The following METTL24 variants were observed in gnomAD, a reference collection of about 807,000 sequenced individuals.
METTL24 encodes the protein methyltransferase like 24.
In METTL24, 29 loss-of-function variants were observed where a neutral mutation model predicts 32.7. The ratio of observed to expected loss-of-function variants is 0.89; its 90% CI spans 0.66 to 1.21. The LOEUF is 1.21. Ranked by LOEUF, METTL24 falls within the 50% of genes most tolerant of loss-of-function variation. The pLI, the probability that METTL24 is intolerant of heterozygous loss-of-function variation, is 0.00. For missense variants in METTL24, 439 were observed against 468.1 expected, an observed-to-expected ratio of 0.94 and a Z score of 0.57; for synonymous variants, 163 against 179.5, an observed-to-expected ratio of 0.91 and a Z score of 0.73.
chr6:110,302,600 T>C (rs527315106), intron 3 of METTL24, among the ~76,000 whole-genome samples: 2 of 117,820 alleles, frequency 1.7e-5, no homozygotes, highest in Non-Finnish European at 3.3e-5. Flanking sequence ...TATACACATA[T>C]ACACACACAT....
At chr6:110,279,358 G>A (rs967140215) in intron 4 of METTL24, among the ~76,000 whole-genome samples, 4 of 152,230 alleles carry the variant, frequency 2.6e-5, no homozygotes, top group Admixed American at 2.0e-4. Flanking sequence ...AGCTAACTTC[G>A]ATAAAAGACA....
chr6:110,276,265 C>T (rs1771046005), intron 4 of METTL24, among the ~76,000 whole-genome samples: 3 of 152,064 alleles, frequency 2.0e-5, no homozygotes, highest in African/African-American at 7.2e-5. Flanking sequence ...AGACCCTCAT[C>T]TCTACCAAAA....
chr6:110,327,168 G>T (rs1772030950), intron 1 of METTL24, among the ~76,000 whole-genome samples: 3 of 152,186 alleles, frequency 2.0e-5, no homozygotes, highest in African/African-American at 7.2e-5. Context: ...ATAAATGACT[G>T]AAAATACAAA....
intron 4 of METTL24, among the ~76,000 whole-genome samples, chr6:110,252,495 C>A (rs1374816113): frequency 6.6e-6 from 1 of 152,204 alleles, no homozygotes; most frequent in Non-Finnish European, 1.5e-5. Flanking sequence ...TAAATACAGT[C>A]ACACTGGGAG....
intron 2 of METTL24, among the ~76,000 whole-genome samples, chr6:110,321,513 G>C (rs868414569): frequency 2.6e-4 from 39 of 152,152 alleles, no homozygotes; most frequent in South Asian, 8.3e-4. Flanking sequence ...AGCCTTTAAG[G>C]GCTTTTGAAA....
chr6:110,274,930 C>T (rs1281774331), intron 4 of METTL24, among the ~76,000 whole-genome samples: 1 of 150,912 alleles, frequency 6.6e-6, no homozygotes, highest in Non-Finnish European at 1.5e-5. Flanking sequence ...TCCCGAGGAT[C>T]TAAGACTACA....
chr6:110,254,931 G>C (rs115196682), intron 4 of METTL24, among the ~76,000 whole-genome samples: 4,231 of 152,210 alleles, frequency 0.028, 226 homozygotes, highest in African/African-American at 0.095. Flanking sequence ...TAGAAAAATA[G>C]AATAAATTAA....
intron 2 of METTL24, 119 bp from the exon 3 acceptor site, chr6:110,315,600 T>A (rs1771805519): frequency 5.9e-6 from 6 of 1,011,886 alleles, no homozygotes; most frequent in Non-Finnish European, 8.7e-6. Context: ...TCTCCTCCAC[T>A]GCTAACAACT....
chr6:110,245,570 A>G lies in METTL24; in HGVS notation c.*376T>C, dbSNP rs984646852. ...AATTTAAAACCCTATTTTAAACAGT[A>G]GGGGAAGAACTTAAAAATCTCACCA... On this transcript the variant is annotated 3_prime_UTR_variant, in exon 5 of 5. Transcript: ENST00000338882. Among the ~76,000 whole-genome samples the G allele has an allele frequency of 2.0e-5, 3 of 152,236 alleles. No homozygotes were observed. Among genetic ancestry groups the G allele is most frequent in the Non-Finnish European group, 4.4e-5 (3 of 68,042 alleles).
rs189803848 is a variant in METTL24, at chr6:110,356,061, A to T, written c.318+1894T>A. 8.6e-4 allele frequency among the ~76,000 whole-genome samples: 131 copies of T among 152,230 alleles called. 1 individual carries two copies. The highest frequency in any genetic ancestry group is 5.4e-4 in the Non-Finnish European group (37 of 68,026). On this transcript the variant is annotated intron_variant, in intron 1 of 4. Coordinates refer to ENST00000338882, the MANE Select transcript of METTL24 (RefSeq NM_001123364.3). The stretch of plus-strand genomic sequence containing the variant: ...ACAACAGATGCTGAGTGAATCTAAA[A>T]GGAAAACTGCAGGGAGGGGTTGAGG...
intron 4 of METTL24, among the ~76,000 whole-genome samples, chr6:110,257,929 C>A (rs1778414896): frequency 6.6e-6 from 1 of 152,140 alleles, no homozygotes; most frequent in South Asian, 2.1e-4. Flanking sequence ...GAACTGTGTG[C>A]AAAAATGTAT....
At chr6:110,258,492 G>T (rs1205503246) in intron 4 of METTL24, among the ~76,000 whole-genome samples, 1 of 152,076 alleles carries the variant, frequency 6.6e-6, no homozygotes, top group Non-Finnish European at 1.5e-5. Flanking sequence ...CACTTGGCAG[G>T]TGCTCAAAAA....
intron 4 of METTL24, among the ~76,000 whole-genome samples, chr6:110,262,950 G>C (rs150176118): frequency 6.6e-6 from 1 of 152,064 alleles, no homozygotes; most frequent in Non-Finnish European, 1.5e-5. Flanking sequence ...CAATAAATTA[G>C]GTATTGATGG....
At chr6:110,347,828 A>G (rs186218996) in intron 1 of METTL24, among the ~76,000 whole-genome samples, 1 of 152,370 alleles carries the variant, frequency 6.6e-6, no homozygotes. Context: ...GTGAACAATA[A>G]GCCTCAACCA....
At chr6:110,259,727 G>C (rs1778455236) in intron 4 of METTL24, among the ~76,000 whole-genome samples, 1 of 152,222 alleles carries the variant, frequency 6.6e-6, no homozygotes, top group African/African-American at 2.4e-5. Flanking sequence ...AGTAGGGGCA[G>C]ACTGACACCT....
intron 4 of METTL24, among the ~76,000 whole-genome samples, chr6:110,280,577 T>C (rs1443223426): frequency 6.6e-6 from 1 of 152,166 alleles, no homozygotes; most frequent in African/African-American, 2.4e-5. Flanking sequence ...TAAAATAGTA[T>C]ATATGGCCAT....
intron 1 of METTL24, among the ~76,000 whole-genome samples, chr6:110,332,947 G>A (rs1245066867): frequency 2.0e-5 from 3 of 150,484 alleles, no homozygotes; most frequent in African/African-American, 7.3e-5. Flanking sequence ...AGAAAGCAAA[G>A]GGAATTTAGA....
chr6:110,297,954 GA>G (rs1486232223), intron 4 of METTL24, among the ~76,000 whole-genome samples: 6 of 152,050 alleles, frequency 3.9e-5, no homozygotes, highest in Admixed American at 1.3e-4. Context: ...GGAAGAAGAA[GA>G]GGGGGAGGAG....
At chr6:110,264,783 T>C (rs895724458) in intron 4 of METTL24, among the ~76,000 whole-genome samples, 1 of 152,174 alleles carries the variant, frequency 6.6e-6, no homozygotes, top group Non-Finnish European at 1.5e-5. Flanking sequence ...CATGGAATAC[T>C]ATGCAGCCAT....
Sources: allele counts gnomAD v4.1 joint callset (sites outside exome capture counted in the v4.1 genomes callset), GRCh38; gene constraint gnomAD v4.1.1; transcripts MANE v1.5; gene names NCBI Gene and HGNC (gene_info 2026-07-23, HGNC 2026-07-21).